The following HAVCR1 variants were observed in gnomAD, a reference collection of about 807,000 sequenced individuals.
HAVCR1 encodes the protein hepatitis A virus cellular receptor 1.
A neutral mutation model predicts 32.0 loss-of-function variants in HAVCR1; 34 were observed. That is an observed-to-expected ratio of 1.06 (90% CI 0.81 to 1.42). HAVCR1 has a LOEUF of 1.42. Among genes scored for constraint, HAVCR1 ranks in the 40% most tolerant of loss-of-function variants. HAVCR1 has a pLI of 0.00. For missense variants in HAVCR1, 420 were observed against 442.3 expected (o/e 0.95, Z 0.45); for synonymous variants, 178 against 170.3 (o/e 1.05, Z -0.35).
chr5:157,034,522 T>C (rs966242079), intron 7 of HAVCR1, among the ~76,000 whole-genome samples: 6 of 151,160 alleles, frequency 4.0e-5, no homozygotes, highest in African/African-American at 1.5e-4. Flanking sequence ...TTATCTCAAC[T>C]GCAAAGAGGC....
the HAVCR1 span, among the ~76,000 whole-genome samples, chr5:157,067,132 C>T: frequency 6.6e-6 from 1 of 152,186 alleles, no homozygotes. Flanking sequence ...ACTCAGGTAT[C>T]ACTGGAAGTA....
rs187174499 is a variant in HAVCR1 at position 157,047,244 on chromosome 5, T to C, written c.781+1794A>G. ...CCCTGGGGGATGGAATGTTGATGTC[T>C]TGAAGTTTCCATAAAAACCCAAAAG... On this transcript the variant is annotated intron_variant, in intron 5 of 8. Transcript: ENST00000523175. 7.4e-4 allele frequency among the ~76,000 whole-genome samples: 113 copies of C among 152,206 alleles called. 1 individual carries two copies. Among genetic ancestry groups the C allele is most frequent in the African/African-American group, 2.6e-3 (109 of 41,538 alleles).
chr5:157,032,194 C>T (rs777963586), intron 8 of HAVCR1, among the ~76,000 whole-genome samples: 1 of 152,082 alleles, frequency 6.6e-6, no homozygotes, highest in Non-Finnish European at 1.5e-5. Flanking sequence ...GACAAAGCAT[C>T]GAATATGGTG....
At position 157,042,674 on chromosome 5, in the gene HAVCR1, C is replaced by A; in HGVS notation, c.790G>T (p.Asp264Tyr). 2 of 1,578,552 alleles carry A rather than the reference C, an allele frequency of 1.3e-6. No individual in the cohort carries two copies. Among genetic ancestry groups the A allele is most frequent in the South Asian group, 2.2e-5 (2 of 89,748 alleles). The change falls in exon 6 of 9, where the codon GAC becomes TAC. Residue 264 changes from aspartate (D) to tyrosine (Y), a missense_variant. Transcript: ENST00000523175. ...PLYSYTTDGN[D>Y]TVTESSDGLW... ...CCATCTGAAGACTCTGTCACGGTGT[C>A]ATTCCCATCTACTCAACAAGAAGGA...
At chr5:157,047,476 G>C (rs1046019035) in intron 5 of HAVCR1, among the ~76,000 whole-genome samples, 2 of 151,956 alleles carry the variant, frequency 1.3e-5, no homozygotes, top group African/African-American at 4.8e-5. Flanking sequence ...GCTTGAACTT[G>C]GGAGCAGAGG....
chr5:157,056,288 G>C (rs1756137390), intron 2 of HAVCR1, among the ~76,000 whole-genome samples: 1 of 107,070 alleles, frequency 9.3e-6, no homozygotes, highest in South Asian at 2.8e-4. Context: ...AGCTGATATA[G>C]CTGGAATTTT....
In HAVCR1 at chr5:157,029,719, A is replaced by G; in HGVS notation, c.*14T>C. The G allele has an allele frequency of 6.2e-7, 1 of 1,613,016 alleles. No homozygotes were observed. The highest frequency in any genetic ancestry group is 8.5e-7 in the Non-Finnish European group (1 of 1,179,940). ...CACTCATGGGCGTAAACTCTCAAAG[A>G]GCACCACTGGGTCTTAGTCCGTGGC... On this transcript the variant is annotated 3_prime_UTR_variant, in exon 9 of 9. Coordinates refer to ENST00000523175, the MANE Select transcript of HAVCR1 (RefSeq NM_001173393.3).
chr5:157,033,338 G>A (rs1754286801), intron 7 of HAVCR1, among the ~76,000 whole-genome samples: 1 of 151,976 alleles, frequency 6.6e-6, no homozygotes, highest in Admixed American at 6.6e-5. Context: ...AGGAAATAAT[G>A]AGTTATTTTT....
the HAVCR1 span, among the ~76,000 whole-genome samples, chr5:157,067,800 T>C: frequency 6.6e-6 from 1 of 152,176 alleles, no homozygotes; most frequent in East Asian, 1.9e-4. Context: ...GCGATTCTCC[T>C]GTGTCAGCTG....
At chr5:157,063,034 C>A (rs372442528), upstream of HAVCR1, among the ~76,000 whole-genome samples, 8 of 150,680 alleles carry the variant, frequency 5.3e-5, no homozygotes, top group African/African-American at 1.9e-4. Context: ...GCAAGAGAAT[C>A]GCTTGAACCT....
chr5:157,044,615 G>GAGAAAGAA lies in HAVCR1; in HGVS notation c.782-1941_782-1934dup, dbSNP rs1554090477. On this transcript the variant is annotated intron_variant, in intron 5 of 8. Transcript: ENST00000523175. Reference sequence around the variant, plus strand: ...AGAAAGAAAGAAAGAAAGAAAGAAAGAGAAAGAAAGAAAGAAAGAAAGAAA... The same window carrying GAGAAAGAA: ...AGAAAGAAAGAAAGAAAGAAAGAAAGAGAAAGAAAGAAAGAAAGAAAGAAAGAAAGAAA... 4.8e-3 allele frequency among the ~76,000 whole-genome samples: 253 copies of GAGAAAGAA among 52,674 alleles called. 2 individuals carry two copies. The highest frequency in any genetic ancestry group is 0.01 in the Middle Eastern group (1 of 96). The allele number at this position is 52,674 out of a possible 152,430, so 34.6% of individuals were successfully genotyped here.
intron 6 of HAVCR1, among the ~76,000 whole-genome samples, chr5:157,038,007 G>GA: frequency 2.8e-5 from 1 of 36,262 alleles, no homozygotes; most frequent in Non-Finnish European, 5.3e-5. Flanking sequence ...ACTCCATCTC[G>GA]AAAAAAAGAA....
chr5:157,063,285 A>ATT (rs70984433), upstream of HAVCR1, among the ~76,000 whole-genome samples: 3 of 131,770 alleles, frequency 2.3e-5, no homozygotes, highest in Non-Finnish European at 4.9e-5. Context: ...TGTAACTTAC[A>ATT]TTTTTTTTTT....
chr5:157,067,242 AT>A, the HAVCR1 span, among the ~76,000 whole-genome samples: 2 of 152,132 alleles, frequency 1.3e-5, no homozygotes, highest in Non-Finnish European at 2.9e-5. Context: ...CTTCCCATGT[AT>A]TTCTCTAAAA....
At position 157,044,436 on chromosome 5, in the gene HAVCR1, AAAG is replaced by A. The variant is rs1249814008; in HGVS notation, c.782-1757_782-1755del. On this transcript the variant is annotated intron_variant, in intron 5 of 8. Transcript: ENST00000523175. ...AGGAAGGAAGGAGAAAGAAAGAAAG[AAAG>A]AAAGAAAGAAAGAAAGAAAGAAAGA... 8.0e-3 allele frequency among the ~76,000 whole-genome samples: 286 copies of A among 35,814 alleles called. 10 individuals are homozygous for A. The highest frequency in any genetic ancestry group is 0.026 in the African/African-American group (211 of 8,128). The allele number at this position is 35,814 out of a possible 152,430, so 23.5% of individuals were successfully genotyped here. A position where few individuals can be genotyped will look rare whatever the true frequency, so the allele number is the denominator to read the frequency against.
chr5:157,052,427 G>C lies in HAVCR1; in HGVS notation c.607C>G (p.Pro203Ala), dbSNP rs1334343322. The change falls in exon 4 of 9, where the codon CCA becomes GCA. Residue 203 changes from proline to alanine, a missense_variant. Physicochemically the swap from Pro to Ala is conservative, Grantham distance 27. Transcript: ENST00000523175. ...TTSIPTTTSV[P>A]VTTTVSTFVP... Reference sequence around the variant, plus strand: ...AAGGTAGAGACAGTTGTTGTCACTGGAACACTTGTTGTTGTTGGAATGCTC... The same window carrying C: ...AAGGTAGAGACAGTTGTTGTCACTGCAACACTTGTTGTTGTTGGAATGCTC... The C allele has an allele frequency of 6.2e-7, 1 of 1,604,400 alleles. No homozygotes were observed. Among genetic ancestry groups the C allele is most frequent in the Admixed American group, 1.7e-5 (1 of 59,282 alleles).
chr5:157,066,491 T>A, the HAVCR1 span, among the ~76,000 whole-genome samples: 2 of 128,338 alleles, frequency 1.6e-5, no homozygotes, highest in Admixed American at 1.9e-4. Flanking sequence ...AGTGACAGAG[T>A]GAGTCCCCAT....
At chr5:157,031,381 A>G (rs1372824557) in intron 8 of HAVCR1, among the ~76,000 whole-genome samples, 1 of 152,216 alleles carries the variant, frequency 6.6e-6, no homozygotes, top group African/African-American at 2.4e-5. Flanking sequence ...TAAGAGGGAT[A>G]GATTCTGAAT....
intron 5 of HAVCR1, 142 bp downstream of exon 5, chr5:157,048,896 A>G: frequency 1.6e-6 from 1 of 620,444 alleles, no homozygotes; most frequent in Non-Finnish European, 3.0e-6. Flanking sequence ...AAGGGTAGAT[A>G]TTTGTACAAG....
Sources: gnomAD v4.1 joint callset for allele counts (sites outside exome capture counted in the v4.1 genomes callset) on GRCh38, gnomAD v4.1.1 for gene constraint, MANE v1.5 for transcripts, NCBI Gene and HGNC (gene_info 2026-07-23, HGNC 2026-07-21) for gene names.